NDRG4: variants seen among roughly 807,000 people sequenced by gnomAD.
NDRG4 encodes NDRG family member 4, also known as protein NDRG4.
Under a neutral mutation model 55.8 loss-of-function variants are expected in NDRG4, and 38 were observed. The observed-to-expected ratio is 0.68, with a 90% CI of 0.53 to 0.89. NDRG4 has a LOEUF of 0.89. Ranked by LOEUF, NDRG4 falls within the 40% of genes least tolerant of loss-of-function variation. The pLI is 0.00. For synonymous variants in NDRG4, 190 were observed against 182.7 expected, an observed-to-expected ratio of 1.04 and a Z score of -0.32; for missense variants, 455 against 468.6, an observed-to-expected ratio of 0.97 and a Z score of 0.27.
intron 1 of NDRG4, among the ~76,000 whole-genome samples, chr16:58,477,682 GAA>G (rs202141495): frequency 7.8e-6 from 1 of 127,438 alleles, no homozygotes. Flanking sequence ...TCCTCAGCAG[GAA>G]AAAAAAAAAG....
rs749311121 is a variant in NDRG4 at position 58,503,934 on chromosome 16, C to T, written c.127+31C>T. 1.9e-6 allele frequency: 3 copies of T among 1,610,488 alleles called. 1 individual carries two copies. Among genetic ancestry groups the T allele is most frequent in the Admixed American group, 1.7e-5 (1 of 60,002 alleles). On this transcript the variant is annotated intron_variant, in intron 2 of 14. Coordinates refer to ENST00000570248, the MANE Select transcript of NDRG4 (RefSeq NM_001242835.2). Reference sequence around the variant, plus strand: ...TGCAGCCCAGCCTCAGTCAGCCCTCCTCTGCCTCCCATCAGCCAGAGCGGT... The same window carrying T: ...TGCAGCCCAGCCTCAGTCAGCCCTCTTCTGCCTCCCATCAGCCAGAGCGGT...
In NDRG4 at chr16:58,507,992, A is replaced by G; in HGVS notation, c.722A>G (p.Asp241Gly). ...LVVGDNAPAE[D>G]GVVECNSKLD... Reference sequence around the variant, plus strand: ...GTTGGGGATAATGCACCCGCTGAGGACGGGGTGGTAAGTGAGGGGCTGTGG... The same window carrying G: ...GTTGGGGATAATGCACCCGCTGAGGGCGGGGTGGTAAGTGAGGGGCTGTGG... The change falls in exon 10 of 15, where the codon GAC becomes GGC. Residue 241 changes from aspartate to glycine, a missense_variant. Physicochemically the swap from Asp to Gly is moderately conservative, Grantham distance 94 (BLOSUM62 -1). Transcript: ENST00000570248. 6.4e-7 allele frequency: 1 copy of G among 1,572,152 alleles called. No homozygotes were observed. The highest frequency in any genetic ancestry group is 8.7e-7 in the Non-Finnish European group (1 of 1,155,344).
intron 13 of NDRG4, among the ~76,000 whole-genome samples, chr16:58,509,899 G>A (rs1474459227): frequency 6.6e-6 from 1 of 152,080 alleles, no homozygotes; most frequent in Admixed American, 6.5e-5. Flanking sequence ...TGGCAGATCT[G>A]AAAATCTGGG....
chr16:58,476,056 C>G (rs1307500273), intron 1 of NDRG4, among the ~76,000 whole-genome samples: 1 of 152,172 alleles, frequency 6.6e-6, no homozygotes, highest in African/African-American at 2.4e-5. Flanking sequence ...CTCGGCCTCC[C>G]CAAGTGCTGG....
In NDRG4 at chr16:58,482,204, A is replaced by G. The variant is rs2034481322; in HGVS notation, c.-23-5552A>G. Among the ~76,000 whole-genome samples the G allele has an allele frequency of 2.0e-5, 3 of 152,096 alleles. No individual in the cohort carries two copies. The South Asian group carries it at 6.2e-4, about 32-fold the overall frequency. Reference sequence around the variant, plus strand: ...ATTTCATTTGCCTGTGGCATTTCTCATAATAATGGGACCTTATAACTCAGG... The same window carrying G: ...ATTTCATTTGCCTGTGGCATTTCTCGTAATAATGGGACCTTATAACTCAGG... On this transcript the variant is annotated intron_variant, in intron 1 of 15. Coordinates refer to the NDRG4 transcript ENST00000258187.
chr16:58,464,596 T>G lies in NDRG4; in HGVS notation c.-24+799T>G, dbSNP rs2031209172. Reference sequence around the variant, plus strand: ...GTGCGGACCCCAACTAAGTCCTAGTTTTGTGCTACCTGTTTGTGTGCGGAG... The same window carrying G: ...GTGCGGACCCCAACTAAGTCCTAGTGTTGTGCTACCTGTTTGTGTGCGGAG... On this transcript the variant is annotated intron_variant, in intron 1 of 15. Transcript: ENST00000258187. This position sits in a 1 kb window ranked among gnomAD's most constrained non-coding sequence, Gnocchi z 4.8. 6.0e-6 allele frequency: 6 copies of G among 994,128 alleles called. No homozygotes were observed. The highest frequency in any genetic ancestry group is 8.0e-6 in the Non-Finnish European group (6 of 754,706). The allele number at this position is 994,128 out of a possible 1,614,324, so 61.6% of individuals were successfully genotyped here.
intron 1 of NDRG4, chr16:58,465,297 C>A: frequency 2.2e-6 from 1 of 452,946 alleles, no homozygotes; most frequent in South Asian, 1.6e-5. Context: ...CCTTAATGTC[C>A]GATGAGGGAG....
chr16:58,490,393 T>C (rs2035639313), intron 2 of NDRG4, among the ~76,000 whole-genome samples: 1 of 152,092 alleles, frequency 6.6e-6, no homozygotes, highest in South Asian at 2.1e-4. Context: ...ACTGCCCACC[T>C]CAGCTGGGCA....
chr16:58,500,623 C>T (rs2036959239), intron 1 of NDRG4: 7 of 506,438 alleles, frequency 1.4e-5, no homozygotes, highest in African/African-American at 5.9e-5. Context: ...TCCCTCTGAC[C>T]GTGTGCCCTC....
At chr16:58,474,263 G>A (rs1280084346) in intron 1 of NDRG4, among the ~76,000 whole-genome samples, 1 of 151,948 alleles carries the variant, frequency 6.6e-6, no homozygotes, top group Non-Finnish European at 1.5e-5. Flanking sequence ...GGCTGGTCTC[G>A]AACTCCTGGC....
chr16:58,508,395 G>T (rs1183027384), intron 10 of NDRG4, among the ~76,000 whole-genome samples: 1 of 152,236 alleles, frequency 6.6e-6, no homozygotes, highest in Non-Finnish European at 1.5e-5. Context: ...GTCACCTGCA[G>T]CGGTTATGTT....
chr16:58,474,028 CTTTTTTTTTTTTTTTTTT>C (rs1168834628), intron 1 of NDRG4, among the ~76,000 whole-genome samples: 1 of 101,172 alleles, frequency 9.9e-6, no homozygotes, highest in Non-Finnish European at 1.9e-5. Flanking sequence ...TTTTCTTTCC[CTTTTTTTTTTTTTTTTTT>C]TTTTTTTTGA....
At chr16:58,502,258 G>A (rs1184030102) in intron 1 of NDRG4, 2 of 338,458 alleles carry the variant, frequency 5.9e-6, no homozygotes, top group Non-Finnish European at 1.2e-5. Flanking sequence ...AAGTGTTCCT[G>A]GATTTGATGG....
chr16:58,490,806 A>C (rs1004872399), intron 2 of NDRG4, among the ~76,000 whole-genome samples: 1 of 151,074 alleles, frequency 6.6e-6, no homozygotes, highest in Non-Finnish European at 1.5e-5. Flanking sequence ...GCGAAACCCC[A>C]TCTCTACTAA....
At chr16:58,494,773 A>G (rs1471328120) in intron 2 of NDRG4, among the ~76,000 whole-genome samples, 1 of 150,402 alleles carries the variant, frequency 6.6e-6, no homozygotes, top group East Asian at 2.0e-4. Flanking sequence ...TGGAGGATAC[A>G]GTGAGCTGTG....
chr16:58,480,489 C>T (rs1001006974), intron 1 of NDRG4, among the ~76,000 whole-genome samples: 5 of 152,230 alleles, frequency 3.3e-5, no homozygotes, highest in Non-Finnish European at 1.5e-5. Flanking sequence ...CCCTGTCAAA[C>T]AGCCTTGTAC....
Position 58,464,143 on chromosome 16 carries a change from C to T in NDRG4, c.-24+346C>T, listed in dbSNP as rs1319435989. The T allele has an allele frequency of 1.1e-5, 4 of 352,948 alleles. No homozygotes were observed. The highest frequency in any genetic ancestry group is 9.5e-5 in the Admixed American group (2 of 21,150). 21.9% of individuals were successfully genotyped at this position (352,948 alleles called of 1,614,324 possible). On this transcript the variant is annotated intron_variant, in intron 1 of 15. Coordinates refer to the NDRG4 transcript ENST00000258187. The surrounding 1 kb of genome is among the most constrained non-coding windows in gnomAD (Gnocchi z 4.8). ...ACCACCTCCCACGGTGTCACCGCACCCACCCCGCGCCCTTCCTCCGCCTCC... is the reference window on the plus strand; with the variant it reads ...ACCACCTCCCACGGTGTCACCGCACTCACCCCGCGCCCTTCCTCCGCCTCC...
chr16:58,507,936 CTG>C lies in NDRG4; in HGVS notation c.678-10_678-9del, dbSNP rs770681615. On this transcript the variant is annotated splice_polypyrimidine_tract_variant and intron_variant, in intron 9 of 14. Transcript: ENST00000570248. The stretch of plus-strand genomic sequence containing the variant: ...GACCCAGCCAGACAGCCCTTTTCCT[CTG>C]TATCTGCAGCTGCCCCGTGATGCTG... 9.3e-6 allele frequency: 15 copies of C among 1,611,252 alleles called. No individual in the cohort carries two copies. Among genetic ancestry groups the C allele is most frequent in the Non-Finnish European group, 1.3e-5 (15 of 1,178,036 alleles).
chr16:58,509,926 GTACA>G (rs1336261760), intron 13 of NDRG4, among the ~76,000 whole-genome samples: 3 of 150,292 alleles, frequency 2.0e-5, no homozygotes. Flanking sequence ...GTGGAACCAG[GTACA>G]CACACACAGA....
Sources: allele counts gnomAD v4.1 joint callset (sites outside exome capture counted in the v4.1 genomes callset), GRCh38; gene constraint gnomAD v4.1.1; non-coding constraint Gnocchi (gnomAD v3.1); transcripts MANE v1.5; gene names NCBI Gene and HGNC (gene_info 2026-07-23, HGNC 2026-07-21).